Variants in RTEL1 observed in about 807,000 individuals in gnomAD.
The protein encoded by RTEL1 is regulator of telomere elongation helicase 1.
Under a neutral mutation model 162.2 loss-of-function variants are expected in RTEL1, and 86 were observed. The observed-to-expected ratio is 0.53, with a 90% CI of 0.45 to 0.63. RTEL1 has a LOEUF of 0.63. RTEL1 is among the 30% of genes least tolerant of loss of function. The pLI is 0.00. For missense variants in RTEL1, 1,941 were observed against 1,750.2 expected, an observed-to-expected ratio of 1.11 and a Z score of -1.95; for synonymous variants, 958 against 717.9, an observed-to-expected ratio of 1.33 and a Z score of -5.35.
chr20:63,695,721 C>A, intron 34 of RTEL1, 57 bp from the exon 35 acceptor site: 1 of 1,602,588 alleles, frequency 6.2e-7, no homozygotes, highest in South Asian at 1.1e-5. Context: ...AAAGGGCAGG[C>A]CCTTGTCCTG....
In RTEL1 at chr20:63,696,072, G is replaced by A; in HGVS notation, c.*214G>A. 1.8e-6 allele frequency: 1 copy of A among 568,960 alleles called. No homozygotes were observed. Among genetic ancestry groups the A allele is most frequent in the Non-Finnish European group, 3.1e-6 (1 of 323,050 alleles). The allele number at this position is 568,960 out of a possible 1,614,324, so 35.2% of individuals were successfully genotyped here. A position where few individuals can be genotyped will look rare whatever the true frequency, so the allele number is the denominator to read the frequency against. ...AAGCCCTGAGCTACCTTGGGGTCTG[G>A]GGTGGGTTTCTGGGAAAGTGCTTCC... On this transcript the variant is annotated 3_prime_UTR_variant, in exon 35 of 35. Coordinates refer to ENST00000360203, the MANE Select transcript of RTEL1 (RefSeq NM_001283009.2).
At chr20:63,678,219 TG>T in intron 11 of RTEL1, 36 bp downstream of exon 11, 1 of 1,613,166 alleles carries the variant, frequency 6.2e-7, no homozygotes, top group Non-Finnish European at 8.5e-7. Flanking sequence ...TGCAGCTGGG[TG>T]GGGCCTCCTC....
At chr20:63,689,318 T>C (rs1384772213) in intron 22 of RTEL1, among the ~76,000 whole-genome samples, 184 bp from the exon 23 acceptor site, 1 of 152,174 alleles carries the variant, frequency 6.6e-6, no homozygotes, top group Non-Finnish European at 1.5e-5. Flanking sequence ...GGGAGTTTCC[T>C]GGCCACAAGA....
chr20:63,691,477 T>C (rs1433946079), intron 27 of RTEL1, among the ~76,000 whole-genome samples: 2 of 152,134 alleles, frequency 1.3e-5, no homozygotes, highest in African/African-American at 2.4e-5. Flanking sequence ...CTGTGTCCCC[T>C]TCCTGCCAGC....
In RTEL1 at chr20:63,668,532, C is replaced by T. The variant is rs6010613; in HGVS notation, c.699+979C>T. 0.054 allele frequency among the ~76,000 whole-genome samples: 8,208 copies of T among 151,806 alleles called. 747 individuals are homozygous for T. The highest frequency in any genetic ancestry group is 0.19 in the African/African-American group (7,805 of 41,316). On this transcript the variant is annotated intron_variant, in intron 8 of 34. Transcript: ENST00000360203. This position sits in a 1 kb window ranked among gnomAD's most constrained non-coding sequence, Gnocchi z 4.3. ...CAAGCGGGCCCAAGTGCGATGTCGG[C>T]GGGAGGTGGGGAATGCTGGTGGGTC...
Position 63,688,515 on chromosome 20 carries a change from C to T in RTEL1, c.1723-13C>T, listed in dbSNP as rs751640004. The T allele has an allele frequency of 6.2e-6, 10 of 1,609,664 alleles. No individual in the cohort carries two copies. Among genetic ancestry groups the T allele is most frequent in the South Asian group, 5.5e-5 (5 of 90,664 alleles). On this transcript the variant is annotated splice_polypyrimidine_tract_variant and intron_variant, in intron 20 of 34. Transcript: ENST00000360203. Reference sequence around the variant, plus strand: ...GACCAGGGCTGCCGTGTCCCTGCCTCTTCCTCCCACAGGCCCGCGACTTGG... The same window carrying T: ...GACCAGGGCTGCCGTGTCCCTGCCTTTTCCTCCCACAGGCCCGCGACTTGG...
chr20:63,674,596 G>C (rs2146199804), intron 10 of RTEL1, among the ~76,000 whole-genome samples: 1 of 152,112 alleles, frequency 6.6e-6, no homozygotes, highest in South Asian at 2.1e-4. Flanking sequence ...AGCTTTTCCG[G>C]AGGCCGAAGT....
chr20:63,671,217 C>T (rs1417937093), intron 8 of RTEL1, among the ~76,000 whole-genome samples: 3 of 152,188 alleles, frequency 2.0e-5, no homozygotes, highest in Non-Finnish European at 2.9e-5. Context: ...CCCGCCACCA[C>T]ACCCGGCTAA....
intron 16 of RTEL1, 53 bp downstream of exon 16, chr20:63,685,925 C>A: frequency 6.6e-7 from 1 of 1,521,862 alleles, no homozygotes; most frequent in East Asian, 2.3e-5. Context: ...GTGCCCGGCA[C>A]CACCATGCCA....
At position 63,667,489 on chromosome 20, in the gene RTEL1, C is replaced by T. The variant is rs1360362083; in HGVS notation, c.635C>T (p.Ser212Phe). ...SKHRVCPYYLSRNLKQQADII... is the reference protein window; with the variant it reads ...SKHRVCPYYLFRNLKQQADII... ...CCCAGGGTGTGCCCTTACTACCTGT[C>T]CCGGAACCTGAAGCAGCAAGCCGAC... The change falls in exon 8 of 35, where the codon TCC becomes TTC. Residue 212 changes from serine to phenylalanine, a missense_variant. Ser to Phe is a radical substitution (Grantham distance 155). Coordinates refer to ENST00000360203, the MANE Select transcript of RTEL1 (RefSeq NM_001283009.2). 6 of 1,613,870 alleles carry T rather than the reference C, an allele frequency of 3.7e-6. No homozygotes were observed. Among genetic ancestry groups the T allele is most frequent in the African/African-American group, 1.3e-5 (1 of 74,922 alleles).
At chr20:63,693,120 G>A (rs1438526587) in intron 29 of RTEL1, 23 bp from the exon 30 acceptor site, 10 of 1,612,232 alleles carry the variant, frequency 6.2e-6, no homozygotes, top group South Asian at 5.5e-5. Flanking sequence ...GGCAGATGGG[G>A]ACAGACGCCC....
In RTEL1 at chr20:63,681,729, G is replaced by A. The variant is rs2090481232; in HGVS notation, c.1191+1010G>A. The A allele has an allele frequency of 3.0e-6, 3 of 985,226 alleles. No homozygotes were observed. In the Admixed American group the frequency reaches 1.8e-4, roughly 61 times the overall value. The allele number at this position is 985,226 out of a possible 1,614,324, so 61.0% of individuals were successfully genotyped here. A position where few individuals can be genotyped will look rare whatever the true frequency, so the allele number is the denominator to read the frequency against. On this transcript the variant is annotated intron_variant, in intron 14 of 34. Transcript: ENST00000360203. ...AGGTGGGGTGGGCACAGGGTGGTGG[G>A]GCCCAGGCTCAGCCCTCCCTCCACT...
chr20:63,661,267 C>T lies in RTEL1; in HGVS notation c.103-31C>T, dbSNP rs773353297. 6.3e-7 allele frequency: 1 copy of T among 1,599,742 alleles called. No homozygotes were observed. The highest frequency in any genetic ancestry group is 1.3e-5 in the African/African-American group (1 of 74,704). ...GTGTGGCCTCGCCTCTTCCTGGCTT[C>T]CCCGTAACCCTTGCTCCGAACTCCG... On this transcript the variant is annotated intron_variant, in intron 2 of 34. Transcript: ENST00000360203. The surrounding 1 kb of genome is among the most constrained non-coding windows in gnomAD (Gnocchi z 5.1).
At position 63,681,809 on chromosome 20, in the gene RTEL1, C is replaced by T. The variant is rs181853208; in HGVS notation, c.1191+1090C>T. 1.9e-4 allele frequency: 187 copies of T among 985,368 alleles called. No homozygotes were observed. In the African/African-American group the frequency reaches 3.1e-3, roughly 17 times the overall value. 61.0% of individuals were successfully genotyped at this position (985,368 alleles called of 1,614,324 possible). The stretch of plus-strand genomic sequence containing the variant: ...AGCCTGTGTCTTCTCTGTGCGGTAG[C>T]TGGGGCTGGAAGGACAGCACTGCCT... On this transcript the variant is annotated intron_variant, in intron 14 of 34. Coordinates refer to ENST00000360203, the MANE Select transcript of RTEL1 (RefSeq NM_001283009.2).
At chr20:63,691,620 C>T (rs2090746592) in intron 27 of RTEL1, 122 bp from the exon 28 acceptor site, 1 of 798,258 alleles carries the variant, frequency 1.3e-6, no homozygotes, top group Non-Finnish European at 2.1e-6. Flanking sequence ...GTGCCCCCCT[C>T]CCCCGACCTC....
intron 30 of RTEL1, among the ~76,000 whole-genome samples, chr20:63,693,775 G>A (rs1054567141): frequency 1.5e-4 from 6 of 39,540 alleles, no homozygotes; most frequent in African/African-American, 2.9e-4. Context: ...ACCAGCAGCA[G>A]CATCACTTGT....
chr20:63,691,613 CCCCCCTCCCCCG>C, intron 27 of RTEL1, 117 bp from the exon 28 acceptor site: 1 of 739,514 alleles, frequency 1.4e-6, no homozygotes, highest in Non-Finnish European at 2.3e-6. Context: ...GTGTGCTGTG[CCCCCCTCCCCCG>C]ACCTCCATCT....
rs372957575 is a variant in RTEL1, at chr20:63,693,914, C to T, written c.2993-458C>T. ...ATGGTCCTGGGGGGTCAACTGCACA[C>T]GCCAGGGTCCTAGGGTCCTAGACCC... On this transcript the variant is annotated intron_variant, in intron 30 of 34. Coordinates refer to ENST00000360203, the MANE Select transcript of RTEL1 (RefSeq NM_001283009.2). 7.3e-5 allele frequency among the ~76,000 whole-genome samples: 11 copies of T among 150,878 alleles called. No homozygotes were observed. In the East Asian group the frequency reaches 1.8e-3, roughly 25 times the overall value.
rs951780126 is a variant in RTEL1 at position 63,661,109 on chromosome 20, C to T, written c.103-189C>T. Among the ~76,000 whole-genome samples, 2 of 152,266 alleles carry T rather than the reference C, an allele frequency of 1.3e-5. No individual in the cohort carries two copies. Among genetic ancestry groups the T allele is most frequent in the African/African-American group, 4.8e-5 (2 of 41,482 alleles). On this transcript the variant is annotated intron_variant, in intron 2 of 34. Transcript: ENST00000360203. The surrounding 1 kb of genome is among the most constrained non-coding windows in gnomAD (Gnocchi z 5.1). Reference sequence around the variant, plus strand: ...TGCTAATGGCGGCTGAGTTGCTTCACGCCCTTTAGGGCAAGAGTGGGACTT... The same window carrying T: ...TGCTAATGGCGGCTGAGTTGCTTCATGCCCTTTAGGGCAAGAGTGGGACTT...
Sources: allele counts gnomAD v4.1 joint callset (sites outside exome capture counted in the v4.1 genomes callset), GRCh38; gene constraint gnomAD v4.1.1; non-coding constraint Gnocchi (gnomAD v3.1); transcripts MANE v1.5; gene names NCBI Gene and HGNC (gene_info 2026-07-23, HGNC 2026-07-21).